The following MRPL2 variants were observed in gnomAD, a reference collection of about 807,000 sequenced individuals.
The protein encoded by MRPL2 is mitochondrial ribosomal protein L2.
MRPL2 carries 27 observed loss-of-function variants against 34.6 expected under a neutral mutation model. The ratio of observed to expected loss-of-function variants is 0.78; its 90% CI spans 0.58 to 1.08. The LOEUF is 1.08. Among genes scored for constraint, MRPL2 ranks in the 50% least tolerant of loss-of-function variants. MRPL2 has a pLI of 0.00. For synonymous variants in MRPL2, 155 were observed against 158.0 expected (o/e 0.98, Z 0.14); for missense variants, 414 against 419.3 (o/e 0.99, Z 0.11).
intron 2 of MRPL2, chr6:43,057,558 G>T (rs1764911035): frequency 6.5e-6 from 1 of 154,126 alleles, no homozygotes; most frequent in Non-Finnish European, 1.4e-5. Context: ...TGGCCAGGCT[G>T]GTCTTGAATT....
At chr6:43,055,352 C>T (rs1764815531) in intron 6 of MRPL2, among the ~76,000 whole-genome samples, 193 bp downstream of exon 6, 1 of 151,756 alleles carries the variant, frequency 6.6e-6, no homozygotes, top group Admixed American at 6.6e-5. Flanking sequence ...GAGCAAGACT[C>T]TGTCTCGAAA....
chr6:43,059,802 C>T (rs1765038953), upstream of MRPL2: 10 of 1,174,868 alleles, frequency 8.5e-6, no homozygotes, highest in Non-Finnish European at 1.1e-5. Flanking sequence ...CTCCAGCCTC[C>T]AAAACTCCGC....
Position 43,054,356 on chromosome 6 carries a change from C to T in MRPL2, c.836G>A (p.Gly279Glu). 1.2e-6 allele frequency: 2 copies of T among 1,614,212 alleles called. No individual in the cohort carries two copies. Among genetic ancestry groups the T allele is most frequent in the South Asian group, 1.1e-5 (1 of 91,092 alleles). Residue 279 changes from glycine to glutamate, a missense_variant, in exon 7 of 7, where the codon GGG becomes GAG. Transcript: ENST00000388752. ...CCGAATCTTTCGGCCAGCCCAGCCC[C>T]CCTTGCGGTGCCACCGCCCACTGTT... ...RPNSGRWHRKGGWAGRKIRPL... is the reference protein window; with the variant it reads ...RPNSGRWHRKEGWAGRKIRPL...
At chr6:43,059,710 G>A, upstream of MRPL2, 1 of 1,286,930 alleles carries the variant, frequency 7.8e-7, no homozygotes, top group East Asian at 3.2e-5. Context: ...GTATCCTGGG[G>A]CTGAAGGTTA....
At chr6:43,059,256 G>A in intron 1 of MRPL2, 30 bp downstream of exon 1, 1 of 1,551,254 alleles carries the variant, frequency 6.4e-7, no homozygotes, top group Non-Finnish European at 8.7e-7. Flanking sequence ...CCGAATGGAA[G>A]CAGCCTTCTT....
In MRPL2 at chr6:43,055,100, C is replaced by T. The variant is rs1200361957; in HGVS notation, c.705+445G>A. The stretch of plus-strand genomic sequence containing the variant: ...TTAAGTAGGGCCGGGTGTGGTGGCT[C>T]ACTCCTGTAATCTCAGCACTTTGGG... On this transcript the variant is annotated intron_variant, in intron 6 of 6. Coordinates refer to ENST00000388752, the MANE Select transcript of MRPL2 (RefSeq NM_015950.5). Among the ~76,000 whole-genome samples the T allele has an allele frequency of 2.0e-5, 3 of 151,004 alleles. No homozygotes were observed. In the East Asian group the frequency reaches 5.9e-4, roughly 30 times the overall value.
chr6:43,056,150 T>G lies in MRPL2; in HGVS notation c.451A>C (p.Ile151Leu). Reference sequence around the variant, plus strand: ...GCCTGCATGTTTTCTGTGGCGATGATCCAGCGTTTCCGGCTGCCCCCAGCA... The same window carrying G: ...GCCTGCATGTTTTCTGTGGCGATGAGCCAGCGTTTCCGGCTGCCCCCAGCA... ...LVAGGSRKRW[I>L]IATENMQAGD... The change falls in exon 4 of 7, where the codon ATC becomes CTC. Residue 151 changes from isoleucine (I) to leucine (L), a missense_variant. Ile to Leu is a conservative substitution (Grantham distance 5). Coordinates refer to ENST00000388752, the MANE Select transcript of MRPL2 (RefSeq NM_015950.5). The G allele has an allele frequency of 6.2e-7, 1 of 1,614,230 alleles. No individual in the cohort carries two copies. Among genetic ancestry groups the G allele is most frequent in the Non-Finnish European group, 8.5e-7 (1 of 1,180,044 alleles).
Position 43,054,449 on chromosome 6 carries a change from GA to G in MRPL2, c.742del (p.Ser248ProfsTer45). 6.2e-7 allele frequency: 1 copy of G among 1,614,204 alleles called. No individual in the cohort carries two copies. The highest frequency in any genetic ancestry group is 8.5e-7 in the Non-Finnish European group (1 of 1,180,050). ...GACCCGTTTGTTATGATCAACGTTG[GA>G]TACTCGGCCTACTGTTGCTACGCAC... ...ETCVATVGRV[S>X]NVDHNKRVIG... On this transcript the variant is annotated frameshift_variant, in exon 7 of 7. Transcript: ENST00000388752. LOFTEE classifies it high-confidence loss of function.
chr6:43,055,239 G>A (rs920096265), intron 6 of MRPL2, among the ~76,000 whole-genome samples: 1 of 152,072 alleles, frequency 6.6e-6, no homozygotes, highest in Non-Finnish European at 1.5e-5. Flanking sequence ...GTGCGTGCCT[G>A]CAATCCCAGC....
At chr6:43,054,595 G>C in intron 6 of MRPL2, 109 bp from the exon 7 acceptor site, 1 of 840,028 alleles carries the variant, frequency 1.2e-6, no homozygotes, top group Non-Finnish European at 1.9e-6. Flanking sequence ...GAAGGGCGAG[G>C]GAAAAGGAAA....
At chr6:43,059,493 C>T, upstream of MRPL2, 1 of 1,448,342 alleles carries the variant, frequency 6.9e-7, no homozygotes, top group Non-Finnish European at 9.1e-7. Context: ...AAAACTGGAG[C>T]CCAAGCTGGA....
chr6:43,054,181 AAC>A lies in MRPL2; in HGVS notation c.*91_*92del, dbSNP rs1554140847. On this transcript the variant is annotated 3_prime_UTR_variant, in exon 7 of 7. Coordinates refer to ENST00000388752, the MANE Select transcript of MRPL2 (RefSeq NM_015950.5). ...ACCATCCCCTCCCCCGCAAAAAAAA[AAC>A]AACAACAAAAAAAACAAAAAACACC... is the stretch of plus-strand genomic sequence containing the variant. 6.4e-5 allele frequency: 66 copies of A among 1,024,014 alleles called. No individual in the cohort carries two copies. The highest frequency in any genetic ancestry group is 6.4e-4 in the Middle Eastern group (2 of 3,118). The allele number at this position is 1,024,014 out of a possible 1,614,324, so 63.4% of individuals were successfully genotyped here. A position where few individuals can be genotyped will look rare whatever the true frequency, so the allele number is the denominator to read the frequency against.
At chr6:43,055,458 A>G in intron 6 of MRPL2, 87 bp downstream of exon 6, 1 of 1,327,228 alleles carries the variant, frequency 7.5e-7, no homozygotes, top group Non-Finnish European at 1.1e-6. Flanking sequence ...CTTGCATCAT[A>G]AAACACCTGG....
At chr6:43,056,809 G>A (rs1475916763) in intron 2 of MRPL2, among the ~76,000 whole-genome samples, 1 of 151,844 alleles carries the variant, frequency 6.6e-6, no homozygotes, top group Non-Finnish European at 1.5e-5. Context: ...CGAGTAGCTG[G>A]GACTACAGGT....
At chr6:43,058,600 T>A (rs555046501) in intron 1 of MRPL2, among the ~76,000 whole-genome samples, 1 of 152,362 alleles carries the variant, frequency 6.6e-6, no homozygotes, top group Non-Finnish European at 1.5e-5. Context: ...GTCATTTCAC[T>A]CTTGTTCCTT....
In MRPL2 at chr6:43,059,367, T is replaced by C. The variant is rs752004244; in HGVS notation, c.15A>G (p.Ala5=). MALC[A]LTRALRSLNL... is the part of the protein sequence containing the mutation. ...TCAGAGAGCGCAGAGCGCGGGTCAG[T>C]GCGCACAGGGCCATCAGCACGACAC... is the stretch of plus-strand genomic sequence containing the variant. The change falls in exon 1 of 7, where the codon GCA becomes GCG. Residue 5 remains alanine (A), a synonymous_variant. Transcript: ENST00000388752. The C allele has an allele frequency of 6.4e-6, 10 of 1,551,490 alleles. No individual in the cohort carries two copies. The highest frequency in any genetic ancestry group is 1.4e-5 in the African/African-American group (1 of 73,020).
chr6:43,059,442 C>A (rs1299904695), upstream of MRPL2: 1 of 1,476,642 alleles, frequency 6.8e-7, no homozygotes, highest in East Asian at 2.5e-5. Context: ...GTTGACTGTC[C>A]GGCGCCGTCG....
chr6:43,054,167 C>G lies in MRPL2; in HGVS notation c.*107G>C. The G allele has an allele frequency of 1.1e-6, 1 of 902,086 alleles. No individual in the cohort carries two copies. Among genetic ancestry groups the G allele is most frequent in the Non-Finnish European group, 1.7e-6 (1 of 595,738 alleles). The allele number at this position is 902,086 out of a possible 1,614,324, so 55.9% of individuals were successfully genotyped here. ...CACGTTTAGTCTGTACCATCCCCTC[C>G]CCCGCAAAAAAAAAACAACAACAAA... On this transcript the variant is annotated 3_prime_UTR_variant, in exon 7 of 7. Transcript: ENST00000388752.
At chr6:43,055,740 G>A (rs1186105644) in intron 5 of MRPL2, 122 bp from the exon 6 acceptor site, 4 of 1,304,726 alleles carry the variant, frequency 3.1e-6, no homozygotes, top group Non-Finnish European at 4.3e-6. Flanking sequence ...CACAAAGAAG[G>A]ACGCATGCTA....
Sources: gnomAD v4.1 joint callset for allele counts (sites outside exome capture counted in the v4.1 genomes callset) on GRCh38, gnomAD v4.1.1 for gene constraint, MANE v1.5 for transcripts, NCBI Gene and HGNC (gene_info 2026-07-23, HGNC 2026-07-21) for gene names.